Variants in SON observed in about 807,000 individuals in gnomAD.
SON encodes SON DNA and RNA binding protein.
A neutral mutation model predicts 173.3 loss-of-function variants in SON; 4 were observed. That is an observed-to-expected ratio of 0.02 (90% CI 0.01 to 0.05). The LOEUF (loss-of-function observed/expected upper bound fraction) is 0.05, where lower values mean the gene tolerates loss of function less well. SON is among the 10% of genes least tolerant of loss of function. The pLI is 1.00. For missense variants in SON, 2,626 were observed against 3,055.3 expected (o/e 0.86, Z 3.31); for synonymous variants, 1,190 against 1,105.9 (o/e 1.08, Z -1.51).
chr21:33,543,260 C>T (rs766072103), intron 1 of SON, 91 bp downstream of exon 1: 2 of 1,269,478 alleles, frequency 1.6e-6, no homozygotes, highest in Non-Finnish European at 2.3e-6. Flanking sequence ...CGCAGTCGTT[C>T]CCCGGCTCAG....
In SON at chr21:33,569,101, G is replaced by T; in HGVS notation, c.6885+14G>T. ...TGGATTAAAAAGGTACACAGTATAT[G>T]CACATATGAAAGTGTCGAACAAAAA... On this transcript the variant is annotated intron_variant, in intron 8 of 11. Coordinates refer to ENST00000356577, the MANE Select transcript of SON (RefSeq NM_138927.4). 7.0e-7 allele frequency: 1 copy of T among 1,432,162 alleles called. No homozygotes were observed. Among genetic ancestry groups the T allele is most frequent in the Non-Finnish European group, 9.7e-7 (1 of 1,025,926 alleles). 88.7% of individuals were successfully genotyped at this position (1,432,162 alleles called of 1,614,324 possible). A position where few individuals can be genotyped will look rare whatever the true frequency, so the allele number is the denominator to read the frequency against.
At position 33,553,730 on chromosome 21, in the gene SON, T is replaced by A; in HGVS notation, c.4499T>A (p.Ile1500Asn). 6.2e-7 allele frequency: 1 copy of A among 1,614,018 alleles called. No homozygotes were observed. The highest frequency in any genetic ancestry group is 8.5e-7 in the Non-Finnish European group (1 of 1,179,964). The change falls in exon 3 of 12, where the codon ATT (isoleucine) becomes AAT (asparagine). Residue 1500 changes from isoleucine (I) to asparagine (N), a missense_variant. Physicochemically the swap from Ile to Asn is moderately radical, Grantham distance 149. Coordinates refer to ENST00000356577, the MANE Select transcript of SON (RefSeq NM_138927.4). ...GGTGATCAAAATCTTGCTCCAGAGA[T>A]TGGCATGCAGGAGATTGCATTGCAT... ...SSGDQNLAPE[I>N]GMQEIALHSG... is the part of the protein sequence containing the mutation.
At chr21:33,576,202 C>T (rs111372529) in intron 11 of SON, among the ~76,000 whole-genome samples, 163 bp from the exon 12 acceptor site, 1 of 152,206 alleles carries the variant, frequency 6.6e-6, no homozygotes, top group East Asian at 1.9e-4. Context: ...TTTGCAGTCC[C>T]TTTCCCAAAT....
intron 3 of SON, among the ~76,000 whole-genome samples, chr21:33,556,924 C>T (rs1044136205): frequency 1.3e-5 from 2 of 151,576 alleles, no homozygotes; most frequent in Non-Finnish European, 2.9e-5. Context: ...ACTTAATTCC[C>T]TGAATGAGGC....
At chr21:33,544,154 G>A (rs2085549482) in intron 1 of SON, among the ~76,000 whole-genome samples, 2 of 152,352 alleles carry the variant, frequency 1.3e-5, no homozygotes, top group South Asian at 4.1e-4. Context: ...AGAGCAGTAC[G>A]TGAATTTGAA....
In SON at chr21:33,552,838, C is replaced by G; in HGVS notation, c.3607C>G (p.Pro1203Ala). The G allele has an allele frequency of 6.2e-7, 1 of 1,613,910 alleles. No individual in the cohort carries two copies. Among genetic ancestry groups the G allele is most frequent in the Non-Finnish European group, 8.5e-7 (1 of 1,179,858 alleles). The part of the protein sequence containing the change: ...NTWPTEVPSS[P>A]SEESVSQPEP... ...TTGGCCTACAGAGGTGCCATCATCA[C>G]CATCTGAAGAGTCTGTATCGCAGCC... Residue 1203 changes from proline (P) to alanine (A), a missense_variant, in exon 3 of 12, where the codon CCA (proline) becomes GCA (alanine). By Grantham distance (27) the Pro-to-Ala change is conservative. This residue lies in a region of SON where 1,006 missense variants were observed against 895.6 expected (regional missense o/e 1.12). Coordinates refer to ENST00000356577, the MANE Select transcript of SON (RefSeq NM_138927.4). The surrounding 1 kb of genome is among the most constrained non-coding windows in gnomAD (Gnocchi z 5.6).
In SON at chr21:33,569,027, A is replaced by T; in HGVS notation, c.6825A>T (p.Gly2275=). The T allele has an allele frequency of 1.2e-6, 2 of 1,613,480 alleles. No individual in the cohort carries two copies. Among genetic ancestry groups the T allele is most frequent in the Non-Finnish European group, 1.7e-6 (2 of 1,179,600 alleles). The change falls in exon 8 of 12, where the codon GGA becomes GGT. Residue 2275 remains glycine, a synonymous_variant. Transcript: ENST00000356577. ...CTGGCCAGTTCACAGGAAGTACAGG[A>T]GTACAGGTTTTGACACAAGAACAGT... The part of the protein sequence containing the change: ...SIPGQFTGST[G]VQVLTQEQLA...
intron 8 of SON, chr21:33,572,768 G>GTTTTT: frequency 1.7e-5 from 4 of 231,564 alleles, no homozygotes; most frequent in Non-Finnish European, 3.4e-5. Flanking sequence ...AATTTCAAGA[G>GTTTTT]TTTTTTTTTT....
chr21:33,559,845 G>A lies in SON; in HGVS notation c.6657+70G>A. On this transcript the variant is annotated intron_variant, in intron 6 of 11. Transcript: ENST00000356577. This position sits in a 1 kb window ranked among gnomAD's most constrained non-coding sequence, Gnocchi z 4.1. ...ATCTGCCATTTCATTGTTATGTTAT[G>A]TCTGATTTGGATTCTGTTTCACTCT... The A allele has an allele frequency of 6.2e-7, 1 of 1,603,674 alleles. No individual in the cohort carries two copies. Among genetic ancestry groups the A allele is most frequent in the Non-Finnish European group, 8.5e-7 (1 of 1,173,248 alleles).
chr21:33,567,070 G>A, intron 6 of SON, 87 bp from the exon 7 acceptor site: 3 of 673,012 alleles, frequency 4.5e-6, no homozygotes, highest in Non-Finnish European at 7.8e-6. Flanking sequence ...TTTTGTTTTT[G>A]ATATGTAGCA....
rs2086021703 is a variant in SON, at chr21:33,559,056, C to G, written c.6322-174C>G. The G allele has an allele frequency of 2.7e-6, 1 of 366,484 alleles. No individual in the cohort carries two copies. Among genetic ancestry groups the G allele is most frequent in the Non-Finnish European group, 4.9e-6 (1 of 205,608 alleles). 22.7% of individuals were successfully genotyped at this position (366,484 alleles called of 1,614,324 possible). ...GTGCTCAATAAATGTTGTTGACTGA[C>G]TGACCAGCCAGAGTGTGTTTAAATA... On this transcript the variant is annotated intron_variant, in intron 4 of 11. Transcript: ENST00000356577. This position sits in a 1 kb window ranked among gnomAD's most constrained non-coding sequence, Gnocchi z 4.1.
chr21:33,554,400 C>T lies in SON; in HGVS notation c.5169C>T (p.Ala1723=), dbSNP rs2085906718. The T allele has an allele frequency of 6.2e-7, 1 of 1,613,998 alleles. No homozygotes were observed. Among genetic ancestry groups the T allele is most frequent in the Admixed American group, 1.7e-5 (1 of 59,990 alleles). The part of the protein sequence containing the change: ...KETLPDSGFS[A]NIEDINEADL... ...CACTGCCTGATTCAGGATTTTCTGC[C>T]AATATTGAGGATATTAATGAAGCAG... Residue 1723 remains alanine (A), a synonymous_variant, in exon 3 of 12, where the codon GCC becomes GCT. Transcript: ENST00000356577.
chr21:33,558,092 A>T (rs2086002041), intron 4 of SON: 1 of 156,648 alleles, frequency 6.4e-6, no homozygotes, highest in Admixed American at 6.1e-5. Flanking sequence ...CTGTCAATAT[A>T]TTCTGTTCCC....
chr21:33,568,289 T>G (rs2086214148), intron 7 of SON, among the ~76,000 whole-genome samples: 1 of 152,300 alleles, frequency 6.6e-6, no homozygotes, highest in African/African-American at 2.4e-5. Context: ...GGTCAGGAGT[T>G]CAAGACCAGC....
rs1167753520 is a variant in SON, at chr21:33,554,489, A to G, written c.5258A>G (p.Glu1753Gly). The stretch of plus-strand genomic sequence containing the variant: ...CTTACAAGCCTTAGAGCTGGCATTG[A>G]AGGACCTTTACTTGCAAGTGATGTT... ...ERLTSLRAGI[E>G]GPLLASDVGR... The change falls in exon 3 of 12, where the codon GAA (glutamate) becomes GGA (glycine). Residue 1753 changes from glutamate (E) to glycine (G), a missense_variant. By Grantham distance (98) the Glu-to-Gly change is moderately conservative. Transcript: ENST00000356577. 1 of 1,614,168 alleles carries G rather than the reference A, an allele frequency of 6.2e-7. No homozygotes were observed. The highest frequency in any genetic ancestry group is 1.1e-5 in the South Asian group (1 of 91,078).
chr21:33,563,613 T>A (rs2086110614), intron 6 of SON, among the ~76,000 whole-genome samples: 1 of 152,234 alleles, frequency 6.6e-6, no homozygotes, highest in Non-Finnish European at 1.5e-5. Context: ...TTTAGCTCTT[T>A]TATATCCTTT....
chr21:33,550,497 C>G lies in SON; in HGVS notation c.1266C>G (p.Thr422=). Residue 422 remains threonine, a synonymous_variant, in exon 3 of 12, where the codon ACC becomes ACG. Coordinates refer to ENST00000356577, the MANE Select transcript of SON (RefSeq NM_138927.4). ...CAGAGTTGCCAGGGCCCCTTTCTAC[C>G]CCAGTGCCTGAGTTGCCAGGGCCCC... is the stretch of plus-strand genomic sequence containing the variant. ...PVPELPGPLS[T]PVPELPGPPA... is the part of the protein sequence containing the mutation. 6.2e-7 allele frequency: 1 copy of G among 1,613,432 alleles called. No individual in the cohort carries two copies. The highest frequency in any genetic ancestry group is 8.5e-7 in the Non-Finnish European group (1 of 1,179,746).
intron 4 of SON, chr21:33,557,949 C>T: frequency 5.4e-6 from 1 of 184,550 alleles, no homozygotes; most frequent in South Asian, 1.0e-4. Flanking sequence ...TTTTTTGGGG[C>T]TTTGTTTTAT....
In SON at chr21:33,560,090, C is replaced by T; in HGVS notation, c.6657+315C>T. ...TCCAAGGTACAACTATTTAGCTTCCCGATTTGCTTCAAGGCTCTATAGCTC... is the reference window on the plus strand; with the variant it reads ...TCCAAGGTACAACTATTTAGCTTCCTGATTTGCTTCAAGGCTCTATAGCTC... On this transcript the variant is annotated intron_variant, in intron 6 of 11. Coordinates refer to ENST00000356577, the MANE Select transcript of SON (RefSeq NM_138927.4). 4 of 1,613,992 alleles carry T rather than the reference C, an allele frequency of 2.5e-6. No homozygotes were observed. Among genetic ancestry groups the T allele is most frequent in the Non-Finnish European group, 2.5e-6 (3 of 1,179,926 alleles).
Sources: gnomAD v4.1 joint callset for allele counts (sites outside exome capture counted in the v4.1 genomes callset) on GRCh38, gnomAD v4.1.1 for gene constraint, gnomAD v4.1.1 regional missense constraint, Gnocchi (gnomAD v3.1) non-coding constraint, MANE v1.5 for transcripts, NCBI Gene and HGNC (gene_info 2026-07-23, HGNC 2026-07-21) for gene names.